The following RIMBP2 variants were observed in gnomAD, a reference collection of about 807,000 sequenced individuals.
RIMBP2 encodes RIMS-binding protein 2.
In RIMBP2, 48 loss-of-function variants were observed where a neutral mutation model predicts 118.6. The ratio of observed to expected loss-of-function variants is 0.40; its 90% CI spans 0.32 to 0.51. The LOEUF is 0.51. Ranked by LOEUF, RIMBP2 falls within the 20% of genes least tolerant of loss-of-function variation. RIMBP2 has a pLI of 0.41. For synonymous variants in RIMBP2, 762 were observed against 742.9 expected, an observed-to-expected ratio of 1.03 and a Z score of -0.42; for missense variants, 1,551 against 1,768.3, an observed-to-expected ratio of 0.88 and a Z score of 2.20.
At position 130,445,331 on chromosome 12, in the gene RIMBP2, C is replaced by G; in HGVS notation, c.582-62G>C. ...GGAGGACACAGCCCGCACCCCTGTC[C>G]GTGCAGAACGCCAGACGGGCACATG... On this transcript the variant is annotated intron_variant, in intron 9 of 22. Transcript: ENST00000690449. 2.6e-6 allele frequency: 3 copies of G among 1,176,338 alleles called. No homozygotes were observed. In the Admixed American group the frequency reaches 6.6e-5, roughly 26 times the overall value. 72.9% of individuals were successfully genotyped at this position (1,176,338 alleles called of 1,614,324 possible). A position where few individuals can be genotyped will look rare whatever the true frequency, so the allele number is the denominator to read the frequency against.
intron 1 of RIMBP2, among the ~76,000 whole-genome samples, chr12:130,694,253 C>T (rs2065469368): frequency 6.6e-6 from 1 of 152,206 alleles, no homozygotes; most frequent in Admixed American, 6.5e-5. Context: ...CTGCCCTCAA[C>T]CAGGGGAACG....
chr12:130,413,651 A>T (rs1345716105), intron 18 of RIMBP2, among the ~76,000 whole-genome samples: 1 of 151,114 alleles, frequency 6.6e-6, no homozygotes. Flanking sequence ...AAAAAAAAAA[A>T]AAAAAGGAAC....
At chr12:130,694,067 C>T (rs1667237948) in intron 1 of RIMBP2, among the ~76,000 whole-genome samples, 1 of 152,176 alleles carries the variant, frequency 6.6e-6, no homozygotes, top group Admixed American at 6.5e-5. Flanking sequence ...TTGTTTGAGG[C>T]ACTGCGTAAC....
intron 19 of RIMBP2, 141 bp from the exon 20 acceptor site, chr12:130,407,970 C>A (rs2075333408): frequency 1.4e-6 from 1 of 711,974 alleles, no homozygotes; most frequent in Non-Finnish European, 2.5e-6. Flanking sequence ...TGGGCACTCA[C>A]ATCAGCAAAC....
intron 2 of RIMBP2, among the ~76,000 whole-genome samples, chr12:130,520,881 C>A (rs1356794728): frequency 4.6e-5 from 7 of 152,178 alleles, no homozygotes; most frequent in Non-Finnish European, 1.5e-5. Flanking sequence ...CCTTCTCATA[C>A]TATGAGACTT....
At chr12:130,701,066 G>A (rs1420998010) in intron 1 of RIMBP2, among the ~76,000 whole-genome samples, 1 of 152,250 alleles carries the variant, frequency 6.6e-6, no homozygotes, top group Admixed American at 6.5e-5. Flanking sequence ...GGTAAACACT[G>A]AGAAGGGCTA....
At chr12:130,499,176 T>A (rs1186223718) in intron 4 of RIMBP2, among the ~76,000 whole-genome samples, 1 of 152,134 alleles carries the variant, frequency 6.6e-6, no homozygotes, top group East Asian at 1.9e-4. Flanking sequence ...TCACTCACCA[T>A]CACAACAGCA....
rs1400729398 is a variant in RIMBP2, at chr12:130,523,727, G to A, written c.-216-5810C>T. On this transcript the variant is annotated intron_variant, in intron 2 of 22. Transcript: ENST00000690449. This position sits in a 1 kb window ranked among gnomAD's most constrained non-coding sequence, Gnocchi z 4.4. ...ATGTGTCAGTACCGGGCTCAGCAGG[G>A]GGCCCTGAGTGAGTGGGTGAGGAGC... Among the ~76,000 whole-genome samples, 3 of 152,152 alleles carry A rather than the reference G, an allele frequency of 2.0e-5. No homozygotes were observed. The highest frequency in any genetic ancestry group is 4.4e-5 in the Non-Finnish European group (3 of 68,032).
chr12:130,661,136 A>G (rs141490036), intron 1 of RIMBP2, among the ~76,000 whole-genome samples: 1 of 152,250 alleles, frequency 6.6e-6, no homozygotes, highest in East Asian at 1.9e-4. Flanking sequence ...TGCCATTCGC[A>G]GTCTGTATTC....
intron 1 of RIMBP2, among the ~76,000 whole-genome samples, chr12:130,629,536 G>A (rs1277993490): frequency 1.3e-5 from 2 of 152,118 alleles, no homozygotes; most frequent in African/African-American, 4.8e-5. Context: ...TATTTAATGA[G>A]GGAGCTCAGG....
At chr12:130,592,315 A>G (rs1436864808) in intron 2 of RIMBP2, among the ~76,000 whole-genome samples, 3 of 152,236 alleles carry the variant, frequency 2.0e-5, no homozygotes, top group African/African-American at 7.2e-5. Flanking sequence ...CTGTGGACAC[A>G]GAGAAGGGGA....
chr12:130,650,155 C>G (rs1201963498), intron 1 of RIMBP2, among the ~76,000 whole-genome samples: 1 of 152,110 alleles, frequency 6.6e-6, no homozygotes, highest in Non-Finnish European at 1.5e-5. Context: ...CTGCCTTGCC[C>G]CCAGCACCAA....
Position 130,713,958 on chromosome 12 carries a change from C to T in RIMBP2, c.-352+2264G>A, listed in dbSNP as rs543075463. On this transcript the variant is annotated intron_variant, in intron 1 of 22. Coordinates refer to ENST00000690449, the MANE Select transcript of RIMBP2 (RefSeq NM_001393629.1). ...AAAGTGGGGTCCCTGGATGCCTCCACCTCCCCTGGGACTGCGTGGGAATGC... is the reference window on the plus strand; with the variant it reads ...AAAGTGGGGTCCCTGGATGCCTCCATCTCCCCTGGGACTGCGTGGGAATGC... 3.3e-4 allele frequency among the ~76,000 whole-genome samples: 50 copies of T among 152,324 alleles called. No individual in the cohort carries two copies. The South Asian group carries it at 3.5e-3, about 11-fold the overall frequency.
intron 2 of RIMBP2, among the ~76,000 whole-genome samples, chr12:130,593,424 A>G (rs2059392495): frequency 6.6e-6 from 1 of 152,268 alleles, no homozygotes; most frequent in South Asian, 2.1e-4. Flanking sequence ...CTACGAATTG[A>G]GAGACCAATC....
At chr12:130,598,786 C>T (rs571551378) in intron 2 of RIMBP2, among the ~76,000 whole-genome samples, 1 of 151,400 alleles carries the variant, frequency 6.6e-6, no homozygotes, top group South Asian at 2.1e-4. Context: ...CCACAGTAAT[C>T]AAGATAGTAA....
chr12:130,626,789 C>T (rs1350382967), intron 2 of RIMBP2, among the ~76,000 whole-genome samples: 1 of 151,570 alleles, frequency 6.6e-6, no homozygotes, highest in African/African-American at 2.4e-5. Flanking sequence ...AAATCATCAC[C>T]ATCTCCTCCA....
intron 6 of RIMBP2, among the ~76,000 whole-genome samples, chr12:130,461,715 G>C (rs746050676): frequency 3.9e-5 from 6 of 152,050 alleles, no homozygotes; most frequent in Non-Finnish European, 5.9e-5. Flanking sequence ...TTGTTGAAAA[G>C]AGCCTGGCAC....
intron 20 of RIMBP2, 86 bp downstream of exon 20, chr12:130,407,640 A>G (rs2075299282): frequency 9.7e-7 from 1 of 1,033,660 alleles, no homozygotes. Flanking sequence ...TGAGGAGGTG[A>G]ACACACGTGG....
intron 2 of RIMBP2, among the ~76,000 whole-genome samples, chr12:130,561,079 T>C (rs539292082): frequency 1.9e-3 from 287 of 152,282 alleles, no homozygotes; most frequent in African/African-American, 6.8e-3. Context: ...ATCAGGGTGA[T>C]GCTTCTGCAC....
Sources: allele counts gnomAD v4.1 joint callset (sites outside exome capture counted in the v4.1 genomes callset), GRCh38; gene constraint gnomAD v4.1.1; non-coding constraint Gnocchi (gnomAD v3.1); transcripts MANE v1.5; gene names NCBI Gene and HGNC (gene_info 2026-07-23, HGNC 2026-07-21).